CREB1: variants seen among roughly 807,000 people sequenced by gnomAD.
The protein encoded by CREB1 is cyclic AMP-responsive element-binding protein 1.
In CREB1, 2 loss-of-function variants were observed where a neutral mutation model predicts 42.0. The ratio of observed to expected loss-of-function variants is 0.05; its 90% CI spans 0.02 to 0.15. The LOEUF (loss-of-function observed/expected upper bound fraction) is 0.15. CREB1 is among the 10% of genes least tolerant of loss of function. The pLI, the probability that CREB1 is intolerant of heterozygous loss-of-function variation, is 1.00. For missense variants in CREB1, 199 were observed against 388.9 expected (o/e 0.51, Z 4.11); for synonymous variants, 123 against 139.9 (o/e 0.88, Z 0.85).
intron 7 of CREB1, among the ~76,000 whole-genome samples, chr2:207,595,529 C>T (rs1025376716): frequency 1.3e-5 from 2 of 151,874 alleles, no homozygotes; most frequent in Non-Finnish European, 2.9e-5. Context: ...CCAACCTCAG[C>T]TTCCTGAGTA....
chr2:207,567,430 G>T lies in CREB1; in HGVS notation c.262-33G>T. 2.0e-6 allele frequency: 3 copies of T among 1,477,138 alleles called. No homozygotes were observed. The South Asian group carries it at 3.5e-5, about 17-fold the overall frequency. 91.5% of individuals were successfully genotyped at this position (1,477,138 alleles called of 1,614,324 possible). ...TAAAAATTTTACAGGAACTAAATTT[G>T]ATTATCAATATGAAGTTTTTCTTTA... On this transcript the variant is annotated intron_variant, in intron 3 of 7. Coordinates refer to ENST00000353267, the MANE Select transcript of CREB1 (RefSeq NM_004379.5).
chr2:207,579,953 T>C (rs564595884), intron 7 of CREB1, among the ~76,000 whole-genome samples: 3 of 152,334 alleles, frequency 2.0e-5, no homozygotes, highest in African/African-American at 7.2e-5. Flanking sequence ...CTGGCTACTT[T>C]TCAAATTTTT....
intron 1 of CREB1, among the ~76,000 whole-genome samples, chr2:207,530,748 C>G (rs1043880181): frequency 2.0e-5 from 3 of 151,920 alleles, no homozygotes; most frequent in African/African-American, 7.2e-5. Context: ...GCCATGCCCG[C>G]TTCGCAAGGG....
intron 1 of CREB1, among the ~76,000 whole-genome samples, chr2:207,536,619 C>T (rs1459308255): frequency 6.6e-5 from 10 of 152,100 alleles, no homozygotes; most frequent in African/African-American, 2.2e-4. Context: ...GGTGTTTATG[C>T]GTTGATCATA....
At chr2:207,560,512 A>G in intron 3 of CREB1, 140 bp downstream of exon 3, 2 of 715,928 alleles carry the variant, frequency 2.8e-6, no homozygotes, top group Admixed American at 3.1e-5. Flanking sequence ...CTGCATCTGT[A>G]TAGTCACCTT....
At chr2:207,563,937 CTG>C (rs1491103725) in intron 3 of CREB1, among the ~76,000 whole-genome samples, 2 of 151,990 alleles carry the variant, frequency 1.3e-5, no homozygotes, top group Non-Finnish European at 2.9e-5. Context: ...GAGTGAGACT[CTG>C]TCTCAAAAAA....
Position 207,583,964 on chromosome 2 carries a change from T to C in CREB1, c.839+6309T>C, listed in dbSNP as rs568307382. Among the ~76,000 whole-genome samples, 7 of 152,346 alleles carry C rather than the reference T, an allele frequency of 4.6e-5. 1 individual carries two copies. In the South Asian group the frequency reaches 1.4e-3, roughly 32 times the overall value. Reference sequence around the variant, plus strand: ...GCCTTTTAGATCTGGTTCCTTCATCTAGCAAAATGCATTTAAGATTTATTG... The same window carrying C: ...GCCTTTTAGATCTGGTTCCTTCATCCAGCAAAATGCATTTAAGATTTATTG... On this transcript the variant is annotated intron_variant, in intron 7 of 7. Coordinates refer to ENST00000353267, the MANE Select transcript of CREB1 (RefSeq NM_004379.5).
At chr2:207,572,068 A>G (rs769107528) in intron 5 of CREB1, among the ~76,000 whole-genome samples, 2 of 152,070 alleles carry the variant, frequency 1.3e-5, no homozygotes, top group Non-Finnish European at 2.9e-5. Flanking sequence ...TCCACTAAAA[A>G]TACAAAAATT....
intron 3 of CREB1, chr2:207,561,289 C>A (rs1574837788): frequency 2.6e-6 from 2 of 770,484 alleles, no homozygotes; most frequent in Non-Finnish European, 2.1e-6. Flanking sequence ...CCTCAGAGAT[C>A]TTCTGGGTCT....
At chr2:207,577,417 A>G in intron 6 of CREB1, 88 bp from the exon 7 acceptor site, 2 of 1,506,130 alleles carry the variant, frequency 1.3e-6, no homozygotes, top group Non-Finnish European at 1.8e-6. Context: ...TTTTAGTCCA[A>G]AATACATGCT....
chr2:207,565,408 A>C (rs1436303681), intron 3 of CREB1, among the ~76,000 whole-genome samples: 1 of 152,060 alleles, frequency 6.6e-6, no homozygotes, highest in Non-Finnish European at 1.5e-5. Flanking sequence ...TTACATTTAC[A>C]AAGTTGCAAG....
intron 7 of CREB1, among the ~76,000 whole-genome samples, chr2:207,582,638 C>G (rs968460381): frequency 1.1e-4 from 17 of 152,066 alleles, no homozygotes; most frequent in African/African-American, 4.1e-4. Flanking sequence ...CTTGTGTTTT[C>G]CCTTCCCTAG....
In CREB1 at chr2:207,563,871, G is replaced by A. The variant is rs189197113; in HGVS notation, c.261+3499G>A. 5.9e-4 allele frequency among the ~76,000 whole-genome samples: 90 copies of A among 152,264 alleles called. No individual in the cohort carries two copies. The East Asian group carries it at 0.013, about 21-fold the overall frequency. ...AGGCACGAGAATCACTTGAACCCTG[G>A]AGACGGAGGTTGCGGTGAACCAAAA... On this transcript the variant is annotated intron_variant, in intron 3 of 7. Transcript: ENST00000353267.
chr2:207,575,251 A>G (rs1427229108), intron 5 of CREB1, 21 bp from the exon 6 acceptor site: 13 of 1,608,850 alleles, frequency 8.1e-6, no homozygotes, highest in Non-Finnish European at 1.1e-5. Flanking sequence ...ACTTGTAACA[A>G]TAAAATCCAT....
In CREB1 at chr2:207,581,810, A is replaced by G. The variant is rs914314153; in HGVS notation, c.839+4155A>G. The G allele has an allele frequency of 2.3e-5, 16 of 699,850 alleles. No homozygotes were observed. The African/African-American group carries it at 2.6e-4, about 12-fold the overall frequency. 43.4% of individuals were successfully genotyped at this position (699,850 alleles called of 1,614,324 possible). A position where few individuals can be genotyped will look rare whatever the true frequency, so the allele number is the denominator to read the frequency against. On this transcript the variant is annotated intron_variant, in intron 7 of 7. Coordinates refer to ENST00000353267, the MANE Select transcript of CREB1 (RefSeq NM_004379.5). ...TTTACTTACATAATCCAGTTTGGGT[A>G]CCATATCGCATTTAATTATAGTCTC...
chr2:207,563,283 T>C (rs1222645941), intron 3 of CREB1, among the ~76,000 whole-genome samples: 1 of 152,196 alleles, frequency 6.6e-6, no homozygotes, highest in Non-Finnish European at 1.5e-5. Flanking sequence ...TAAGTTTGTC[T>C]CCTTTAAAAT....
chr2:207,548,871 A>C (rs2081395119), intron 1 of CREB1, among the ~76,000 whole-genome samples: 1 of 152,216 alleles, frequency 6.6e-6, no homozygotes, highest in Admixed American at 6.5e-5. Context: ...TTATAAAAGT[A>C]AACAAATTTT....
intron 1 of CREB1, among the ~76,000 whole-genome samples, chr2:207,548,978 A>G (rs1228128535): frequency 6.6e-6 from 1 of 152,222 alleles, no homozygotes. Context: ...GCTTTGTAAT[A>G]TCTAGATTGG....
At chr2:207,531,850 G>A (rs2080644709) in intron 1 of CREB1, among the ~76,000 whole-genome samples, 2 of 152,136 alleles carry the variant, frequency 1.3e-5, no homozygotes, top group Non-Finnish European at 1.5e-5. Flanking sequence ...AACGTGCTTT[G>A]CTGTATTGCT....
Sources: allele counts gnomAD v4.1 joint callset (sites outside exome capture counted in the v4.1 genomes callset), GRCh38; gene constraint gnomAD v4.1.1; transcripts MANE v1.5; gene names NCBI Gene and HGNC (gene_info 2026-07-23, HGNC 2026-07-21).